Variants in ARL13B observed in about 807,000 individuals in gnomAD.
ARL13B encodes the protein ADP-ribosylation factor-like protein 13B.
ARL13B carries 36 observed loss-of-function variants against 56.1 expected under a neutral mutation model. That is an observed-to-expected ratio of 0.64 (90% CI 0.49 to 0.85). ARL13B has a LOEUF of 0.85. ARL13B is among the 40% of genes least tolerant of loss of function. ARL13B has a pLI of 0.00. For missense variants in ARL13B, 519 were observed against 507.1 expected (o/e 1.02, Z -0.23); for synonymous variants, 178 against 171.1 (o/e 1.04, Z -0.32).
rs1387093514 is a variant in ARL13B at position 93,984,012 on chromosome 3, A to T, written c.59+3530A>T. Among the ~76,000 whole-genome samples, 11 of 152,292 alleles carry T rather than the reference A, an allele frequency of 7.2e-5. No homozygotes were observed. The South Asian group carries it at 2.1e-3, about 29-fold the overall frequency. On this transcript the variant is annotated intron_variant, in intron 1 of 9. Coordinates refer to ENST00000394222, the MANE Select transcript of ARL13B (RefSeq NM_001174150.2). ...TCAGTTACCACATATTTTTTATGTT[A>T]TATGTATAATTTATTGTATTCTTAA...
chr3:94,007,314 G>A (rs552470682), intron 3 of ARL13B, among the ~76,000 whole-genome samples: 1 of 152,208 alleles, frequency 6.6e-6, no homozygotes, highest in African/African-American at 2.4e-5. Context: ...TAGAGTGGAT[G>A]ACCACAGTAG....
At chr3:93,981,390 C>T (rs1710207481) in intron 1 of ARL13B, among the ~76,000 whole-genome samples, 2 of 151,204 alleles carry the variant, frequency 1.3e-5, no homozygotes, top group Non-Finnish European at 2.9e-5. Context: ...AAATTGTTAA[C>T]ATTTTAAGTA....
At chr3:94,003,321 G>A (rs898338920) in intron 2 of ARL13B, among the ~76,000 whole-genome samples, 8 of 152,122 alleles carry the variant, frequency 5.3e-5, no homozygotes, top group African/African-American at 1.9e-4. Context: ...GATGGCTATG[G>A]TATTGAAAGG....
intron 3 of ARL13B, among the ~76,000 whole-genome samples, chr3:94,025,331 C>A (rs780668676): frequency 6.6e-6 from 1 of 151,696 alleles, no homozygotes; most frequent in Non-Finnish European, 1.5e-5. Context: ...ATCAGGTTTC[C>A]TTTCAGTGTT....
chr3:93,985,036 T>TC lies in ARL13B; in HGVS notation c.59+4554_59+4555insC, dbSNP rs139346002. On this transcript the variant is annotated intron_variant, in intron 1 of 9. Transcript: ENST00000394222. Reference sequence around the variant, plus strand: ...ATCAATCAATCAATCAATCAATCAATAAGACTAAATAAAAATTTTAAATTC... The same window carrying TC: ...ATCAATCAATCAATCAATCAATCAATCAAGACTAAATAAAAATTTTAAATTC... Among the ~76,000 whole-genome samples the TC allele has an allele frequency of 4.6e-5, 7 of 152,072 alleles. No individual in the cohort carries two copies. In the East Asian group the frequency reaches 5.8e-4, roughly 13 times the overall value.
At chr3:94,039,416 C>T (rs909244592) in intron 5 of ARL13B, among the ~76,000 whole-genome samples, 6 of 142,618 alleles carry the variant, frequency 4.2e-5, no homozygotes, top group Admixed American at 7.4e-5. Context: ...AGGAGAATGG[C>T]GTGAACCCGG....
At chr3:94,051,346 A>C (rs1172592356) in intron 9 of ARL13B, among the ~76,000 whole-genome samples, 1 of 152,154 alleles carries the variant, frequency 6.6e-6, no homozygotes, top group African/African-American at 2.4e-5. Flanking sequence ...AGTGAAGTAA[A>C]GATCAACACA....
intron 1 of ARL13B, among the ~76,000 whole-genome samples, chr3:93,985,570 A>G (rs1440148203): frequency 6.6e-6 from 1 of 152,218 alleles, no homozygotes; most frequent in East Asian, 1.9e-4. Flanking sequence ...CTTATATATT[A>G]TGCATACATA....
rs2076283489 is a variant in ARL13B, at chr3:94,014,415, A to G, written c.380+10507A>G. The G allele has an allele frequency of 1.9e-6, 3 of 1,562,258 alleles. No homozygotes were observed. The East Asian group carries it at 6.7e-5, about 35-fold the overall frequency. On this transcript the variant is annotated intron_variant, in intron 3 of 9. Transcript: ENST00000394222. ...TTGAGCTACAGCATGGACAGCACCA[A>G]CAACACAGTACTCTGCAAGGATTTC...
chr3:94,043,300 T>C, intron 7 of ARL13B, 60 bp downstream of exon 7: 1 of 1,395,946 alleles, frequency 7.2e-7, no homozygotes, highest in Non-Finnish European at 9.8e-7. Flanking sequence ...AACTTATACT[T>C]CATCTCATTT....
At chr3:94,016,656 T>G (rs138513169) in intron 3 of ARL13B, among the ~76,000 whole-genome samples, 2 of 151,762 alleles carry the variant, frequency 1.3e-5, no homozygotes, top group African/African-American at 2.4e-5. Flanking sequence ...TTTCTTTTTT[T>G]TTTTTTTGGA....
intron 1 of ARL13B, among the ~76,000 whole-genome samples, chr3:93,982,526 C>T (rs1710268871): frequency 6.6e-6 from 1 of 152,140 alleles, no homozygotes; most frequent in Non-Finnish European, 1.5e-5. Flanking sequence ...GAAATGATAA[C>T]TTTTGCATAT....
chr3:94,012,972 A>G (rs558139174), intron 3 of ARL13B, among the ~76,000 whole-genome samples: 2 of 152,218 alleles, frequency 1.3e-5, no homozygotes, highest in South Asian at 4.1e-4. Flanking sequence ...ACTTGTGTGA[A>G]CTTCAGACTT....
chr3:94,043,389 T>C (rs2076898723), intron 7 of ARL13B, 149 bp downstream of exon 7: 4 of 769,122 alleles, frequency 5.2e-6, no homozygotes, highest in Non-Finnish European at 8.3e-6. Context: ...TTTCTCAAGG[T>C]CTTTTATTAT....
At chr3:94,052,071 C>T (rs1469448049) in intron 9 of ARL13B, among the ~76,000 whole-genome samples, 1 of 151,966 alleles carries the variant, frequency 6.6e-6, no homozygotes. Context: ...TTCTTTATTA[C>T]ACAACTCTTA....
intron 2 of ARL13B, among the ~76,000 whole-genome samples, chr3:93,996,924 C>G (rs2075977756): frequency 6.6e-6 from 1 of 152,112 alleles, no homozygotes; most frequent in African/African-American, 2.4e-5. Flanking sequence ...ACTCACATTA[C>G]TGCCTGAACA....
intron 3 of ARL13B, chr3:94,014,881 G>C (rs747846832): frequency 1.2e-6 from 2 of 1,613,926 alleles, no homozygotes. Context: ...AAGTATCCTT[G>C]TGACCACTGA....
At chr3:93,997,137 G>A (rs2075981797) in intron 2 of ARL13B, among the ~76,000 whole-genome samples, 1 of 151,878 alleles carries the variant, frequency 6.6e-6, no homozygotes, top group Admixed American at 6.6e-5. Context: ...GTACATTATG[G>A]TGAGTTGTAT....
intron 3 of ARL13B, among the ~76,000 whole-genome samples, chr3:94,013,702 T>C (rs2076267318): frequency 6.6e-6 from 1 of 152,192 alleles, no homozygotes; most frequent in South Asian, 2.1e-4. Context: ...TTCCAACACT[T>C]TGGGAGGCCC....
Sources: allele counts gnomAD v4.1 joint callset (sites outside exome capture counted in the v4.1 genomes callset), GRCh38; gene constraint gnomAD v4.1.1; transcripts MANE v1.5; gene names NCBI Gene and HGNC (gene_info 2026-07-23, HGNC 2026-07-21).